KIAA1328: variants seen among roughly 807,000 people sequenced by gnomAD.
KIAA1328 encodes the protein protein hinderin.
Under a neutral mutation model 68.1 loss-of-function variants are expected in KIAA1328, and 52 were observed. The ratio of observed to expected loss-of-function variants is 0.76; its 90% CI spans 0.61 to 0.96. The LOEUF (loss-of-function observed/expected upper bound fraction) is 0.96. Among genes scored for constraint, KIAA1328 ranks in the 40% least tolerant of loss-of-function variants. The pLI is 0.00. For missense variants in KIAA1328, 641 were observed against 677.6 expected, an observed-to-expected ratio of 0.95 and a Z score of 0.60; for synonymous variants, 232 against 239.4, an observed-to-expected ratio of 0.97 and a Z score of 0.28.
At chr18:36,930,675 T>A (rs1463213084) in intron 5 of KIAA1328, among the ~76,000 whole-genome samples, 1 of 152,104 alleles carries the variant, frequency 6.6e-6, no homozygotes, top group African/African-American at 2.4e-5. Context: ...TAAGGTTAGC[T>A]GTGCATCATA....
chr18:37,094,145 A>G (rs1208328481), intron 7 of KIAA1328, among the ~76,000 whole-genome samples: 4 of 152,196 alleles, frequency 2.6e-5, no homozygotes, highest in Admixed American at 6.5e-5. Context: ...ACAGTTCACA[A>G]TAGGGTTTGC....
At chr18:36,929,929 T>C (rs868749576) in intron 5 of KIAA1328, among the ~76,000 whole-genome samples, 4 of 152,248 alleles carry the variant, frequency 2.6e-5, no homozygotes, top group Middle Eastern at 3.4e-3. Flanking sequence ...GGTGGTAGTG[T>C]TTTCTGACCT....
At chr18:37,213,624 T>C (rs902844399) in intron 9 of KIAA1328, among the ~76,000 whole-genome samples, 1 of 152,240 alleles carries the variant, frequency 6.6e-6, no homozygotes, top group African/African-American at 2.4e-5. Context: ...TGCATGTGTC[T>C]TTATAGTAAC....
chr18:37,056,720 G>A (rs373710846), intron 6 of KIAA1328, among the ~76,000 whole-genome samples: 1 of 150,562 alleles, frequency 6.6e-6, no homozygotes. Flanking sequence ...GTGTGATCTC[G>A]GCTCACTGCA....
At chr18:37,094,499 A>G (rs1163276388) in intron 7 of KIAA1328, among the ~76,000 whole-genome samples, 4 of 152,198 alleles carry the variant, frequency 2.6e-5, no homozygotes, top group East Asian at 1.9e-4. Flanking sequence ...AGGGAGTTCT[A>G]CATCTAGAAG....
At chr18:36,921,973 G>A (rs1373585557) in intron 5 of KIAA1328, among the ~76,000 whole-genome samples, 1 of 151,624 alleles carries the variant, frequency 6.6e-6, no homozygotes, top group Non-Finnish European at 1.5e-5. Flanking sequence ...TGTCCCCCAG[G>A]CCAGAGTGCA....
At chr18:37,070,391 T>C (rs956448255) in intron 7 of KIAA1328, among the ~76,000 whole-genome samples, 1 of 152,206 alleles carries the variant, frequency 6.6e-6, no homozygotes, top group African/African-American at 2.4e-5. Context: ...CTATCAATTA[T>C]TGACAGAGGC....
At chr18:37,047,095 T>A (rs4799902) in intron 6 of KIAA1328, among the ~76,000 whole-genome samples, 136,333 of 152,222 alleles carry the variant, frequency 0.9, 63,020 homozygotes, top group East Asian at 1. Flanking sequence ...TGACAGAATG[T>A]GTGGTTCCTT....
intron 4 of KIAA1328, among the ~76,000 whole-genome samples, chr18:36,855,638 A>G (rs900149721): frequency 1.3e-4 from 20 of 151,260 alleles, no homozygotes; most frequent in African/African-American, 4.4e-4. Context: ...TTGAAATACA[A>G]AAGTTTTGAA....
intron 7 of KIAA1328, among the ~76,000 whole-genome samples, chr18:37,067,812 C>T (rs2056399128): frequency 6.6e-6 from 1 of 152,104 alleles, no homozygotes; most frequent in Non-Finnish European, 1.5e-5. Flanking sequence ...CCCGCCTTGA[C>T]CTCCCAAAGT....
At chr18:37,014,109 A>T (rs1235094322) in intron 6 of KIAA1328, among the ~76,000 whole-genome samples, 1 of 152,136 alleles carries the variant, frequency 6.6e-6, no homozygotes, top group Non-Finnish European at 1.5e-5. Context: ...GATGATGTGA[A>T]TTTTTTATGT....
intron 6 of KIAA1328, among the ~76,000 whole-genome samples, chr18:37,039,026 T>C (rs2055140453): frequency 6.6e-6 from 1 of 152,182 alleles, no homozygotes; most frequent in Non-Finnish European, 1.5e-5. Flanking sequence ...AATTAGTTGT[T>C]TGACAATAAA....
At chr18:37,165,405 A>G (rs1010206879) in intron 8 of KIAA1328, among the ~76,000 whole-genome samples, 1 of 150,890 alleles carries the variant, frequency 6.6e-6, no homozygotes, top group African/African-American at 2.4e-5. Flanking sequence ...TTTTATTTTT[A>G]TTTATTTATT....
intron 9 of KIAA1328, among the ~76,000 whole-genome samples, chr18:37,177,229 A>T (rs1193714034): frequency 1.5e-5 from 2 of 129,038 alleles, no homozygotes; most frequent in Non-Finnish European, 3.4e-5. Flanking sequence ...GATACATTTT[A>T]TATTAAAATG....
chr18:37,044,296 A>G (rs889096900), intron 6 of KIAA1328, among the ~76,000 whole-genome samples: 4 of 152,024 alleles, frequency 2.6e-5, no homozygotes, highest in African/African-American at 9.6e-5. Context: ...GAATGCAGAC[A>G]TTTTTTTCAA....
intron 9 of KIAA1328, among the ~76,000 whole-genome samples, chr18:37,197,642 T>A (rs1258540781): frequency 2.6e-5 from 4 of 152,130 alleles, no homozygotes; most frequent in Non-Finnish European, 5.9e-5. Context: ...AGACCACATC[T>A]TCCTCTCTGC....
intron 7 of KIAA1328, among the ~76,000 whole-genome samples, chr18:37,129,293 T>A (rs944487201): frequency 2.0e-5 from 3 of 152,126 alleles, no homozygotes; most frequent in African/African-American, 7.2e-5. Flanking sequence ...ATGGCAGCAT[T>A]ATTTCCAGTG....
intron 4 of KIAA1328, among the ~76,000 whole-genome samples, chr18:36,859,323 T>A (rs1385484623): frequency 6.6e-6 from 1 of 152,082 alleles, no homozygotes; most frequent in Non-Finnish European, 1.5e-5. Context: ...CTTATTTTAT[T>A]AAATTTATGT....
chr18:36,916,908 C>T (rs965841007), intron 5 of KIAA1328, among the ~76,000 whole-genome samples: 1 of 151,874 alleles, frequency 6.6e-6, no homozygotes, highest in Admixed American at 6.6e-5. Flanking sequence ...GCCACTGTAC[C>T]CAGCTCACTT....
Sources: gnomAD v4.1 joint callset for allele counts (sites outside exome capture counted in the v4.1 genomes callset) on GRCh38, gnomAD v4.1.1 for gene constraint, MANE v1.5 for transcripts, NCBI Gene and HGNC (gene_info 2026-07-23, HGNC 2026-07-21) for gene names.